The following ROBO1 variants were observed in gnomAD, a reference collection of about 807,000 sequenced individuals.
The protein encoded by ROBO1 is roundabout homolog 1.
In ROBO1, 149 loss-of-function variants were observed where a neutral mutation model predicts 195.9. The ratio of observed to expected loss-of-function variants is 0.76; its 90% CI spans 0.67 to 0.87. The LOEUF is 0.87. Among genes scored for constraint, ROBO1 ranks in the 40% least tolerant of loss-of-function variants. The pLI, the probability that ROBO1 is intolerant of heterozygous loss-of-function variation, is 0.00. For missense variants in ROBO1, 1,933 were observed against 2,068.3 expected, an observed-to-expected ratio of 0.93 and a Z score of 1.27; for synonymous variants, 816 against 733.2, an observed-to-expected ratio of 1.11 and a Z score of -1.82.
At chr3:79,692,915 T>C (rs934327256) in intron 1 of ROBO1, among the ~76,000 whole-genome samples, 12 of 151,886 alleles carry the variant, frequency 7.9e-5, no homozygotes, top group Non-Finnish European at 1.5e-4. Context: ...AATTCATTTA[T>C]GTTTCATATA....
At chr3:78,807,662 T>C (rs1464000465) in intron 4 of ROBO1, among the ~76,000 whole-genome samples, 1 of 152,188 alleles carries the variant, frequency 6.6e-6, no homozygotes, top group African/African-American at 2.4e-5. Flanking sequence ...AAAGCAATAG[T>C]GAAGAGTGTT....
chr3:79,179,420 T>C (rs534317047), intron 2 of ROBO1, among the ~76,000 whole-genome samples: 5 of 152,246 alleles, frequency 3.3e-5, no homozygotes, highest in South Asian at 2.1e-4. Context: ...TAGAACTTAG[T>C]TGGCTTACTT....
At chr3:79,104,549 C>G (rs2079740575) in intron 3 of ROBO1, among the ~76,000 whole-genome samples, 2 of 151,450 alleles carry the variant, frequency 1.3e-5, no homozygotes, top group African/African-American at 2.4e-5. Context: ...ATTATTAGTT[C>G]TTATTGAGTT....
intron 3 of ROBO1, chr3:79,019,519 C>A: frequency 2.0e-6 from 2 of 986,062 alleles, no homozygotes; most frequent in Non-Finnish European, 2.4e-6. Context: ...CCTCCCCGGC[C>A]CGATAATACT....
At chr3:78,931,611 G>A (rs555453719) in intron 4 of ROBO1, among the ~76,000 whole-genome samples, 3 of 152,032 alleles carry the variant, frequency 2.0e-5, no homozygotes, top group Non-Finnish European at 4.4e-5. Context: ...TCCACCAAGG[G>A]TATTTAACCA....
At chr3:78,615,579 C>T (rs1704066322) in intron 27 of ROBO1, among the ~76,000 whole-genome samples, 1 of 152,190 alleles carries the variant, frequency 6.6e-6, no homozygotes, top group Non-Finnish European at 1.5e-5. Context: ...TGTATTACAA[C>T]ACCTACAACA....
chr3:79,440,825 T>C lies in ROBO1; in HGVS notation c.88+148999A>G, dbSNP rs570765631. On this transcript the variant is annotated intron_variant, in intron 2 of 30. Coordinates refer to ENST00000464233, the MANE Select transcript of ROBO1 (RefSeq NM_002941.4). Reference sequence around the variant, plus strand: ...GAGAAGCATAAAGTCCTTAAAGTAATGAGAAAAATTGTTGGTGGAAATAAG... The same window carrying C: ...GAGAAGCATAAAGTCCTTAAAGTAACGAGAAAAATTGTTGGTGGAAATAAG... Among the ~76,000 whole-genome samples the C allele has an allele frequency of 4.6e-5, 7 of 152,112 alleles. No homozygotes were observed. In the South Asian group the frequency reaches 1.4e-3, roughly 32 times the overall value.
At chr3:79,475,747 A>G (rs1457934627) in intron 2 of ROBO1, among the ~76,000 whole-genome samples, 1 of 152,108 alleles carries the variant, frequency 6.6e-6, no homozygotes, top group Non-Finnish European at 1.5e-5. Context: ...TAGTTTGAAC[A>G]GAAAGTTTTA....
intron 2 of ROBO1, among the ~76,000 whole-genome samples, chr3:79,554,809 C>T (rs944355952): frequency 2.6e-5 from 4 of 152,038 alleles, no homozygotes; most frequent in African/African-American, 7.2e-5. Flanking sequence ...ATCCCTTAAA[C>T]GTTTGAACAT....
chr3:78,828,603 C>T (rs1466754352), intron 4 of ROBO1, among the ~76,000 whole-genome samples: 1 of 152,068 alleles, frequency 6.6e-6, no homozygotes, highest in Non-Finnish European at 1.5e-5. Context: ...CTATTCAATC[C>T]CAAAGTACAC....
chr3:79,067,495 G>A (rs1196794388), intron 3 of ROBO1, among the ~76,000 whole-genome samples: 1 of 151,994 alleles, frequency 6.6e-6, no homozygotes. Context: ...TTCTGAGTCT[G>A]TCAATTACAA....
chr3:78,661,297 T>G (rs370517975), intron 15 of ROBO1, 36 bp from the exon 16 acceptor site: 2 of 1,254,504 alleles, frequency 1.6e-6, no homozygotes, highest in Non-Finnish European at 1.1e-6. Flanking sequence ...ATTATTCATA[T>G]TATTGTATTG....
At chr3:79,461,308 T>C (rs530446097) in intron 2 of ROBO1, among the ~76,000 whole-genome samples, 1 of 152,132 alleles carries the variant, frequency 6.6e-6, no homozygotes, top group East Asian at 2.0e-4. Flanking sequence ...AAATGACAAG[T>C]TGTGAAATCT....
intron 2 of ROBO1, among the ~76,000 whole-genome samples, chr3:79,389,189 C>G (rs1434794480): frequency 1.3e-5 from 2 of 151,550 alleles, no homozygotes; most frequent in Non-Finnish European, 2.9e-5. Context: ...AAAAACTAAC[C>G]CTGAATTTGA....
At chr3:79,306,954 T>G (rs898244717) in intron 2 of ROBO1, among the ~76,000 whole-genome samples, 2 of 152,154 alleles carry the variant, frequency 1.3e-5, no homozygotes, top group African/African-American at 2.4e-5. Context: ...AATGTTTCAG[T>G]CAATTGTTCT....
intron 4 of ROBO1, among the ~76,000 whole-genome samples, chr3:78,926,996 A>G (rs1166640059): frequency 6.6e-6 from 1 of 152,194 alleles, no homozygotes; most frequent in Non-Finnish European, 1.5e-5. Flanking sequence ...TCAAAAAAAA[A>G]AGGTCAACTA....
chr3:79,692,584 C>A (rs1011549071), intron 1 of ROBO1, among the ~76,000 whole-genome samples: 1 of 151,756 alleles, frequency 6.6e-6, no homozygotes, highest in African/African-American at 2.4e-5. Flanking sequence ...ACAAGTCCTG[C>A]AGGATCTCAC....
chr3:79,088,477 T>C (rs758680120), intron 3 of ROBO1, among the ~76,000 whole-genome samples: 1 of 152,138 alleles, frequency 6.6e-6, no homozygotes, highest in South Asian at 2.1e-4. Context: ...TGTAAAAATA[T>C]GCAAGTTTAA....
chr3:79,625,423 G>GAAAAAAAAAAAAAAAAAAAAAAAAA lies in ROBO1; in HGVS notation c.-50-35463_-50-35462insTTTTTTTTTTTTTTTTTTTTTTTTT. 7.9e-4 allele frequency among the ~76,000 whole-genome samples: 11 copies of GAAAAAAAAAAAAAAAAAAAAAAAAA among 13,880 alleles called. 1 individual carries two copies. The highest frequency in any genetic ancestry group is 6.4e-3 in the East Asian group (2 of 314). 9.1% of individuals were successfully genotyped at this position (13,880 alleles called of 152,430 possible). ...AAGTAATCCAGTAGCTGTTTTTTTT[G>GAAAAAAAAAAAAAAAAAAAAAAAAA]AAAAAAAAAAAAAAAAAAAAAGCAA... On this transcript the variant is annotated intron_variant, in intron 1 of 30. Coordinates refer to ENST00000464233, the MANE Select transcript of ROBO1 (RefSeq NM_002941.4).
Sources: gnomAD v4.1 joint callset for allele counts (sites outside exome capture counted in the v4.1 genomes callset) on GRCh38, gnomAD v4.1.1 for gene constraint, MANE v1.5 for transcripts, NCBI Gene and HGNC (gene_info 2026-07-23, HGNC 2026-07-21) for gene names.